BRI3: variants seen among roughly 807,000 people sequenced by gnomAD.
BRI3 encodes the protein membrane protein BRI3.
In BRI3, 6 loss-of-function variants were observed where a neutral mutation model predicts 12.8. That is an observed-to-expected ratio of 0.47 (90% CI 0.26 to 0.93). The LOEUF (loss-of-function observed/expected upper bound fraction) is 0.93. Among genes scored for constraint, BRI3 ranks in the 40% least tolerant of loss-of-function variants. The pLI, the probability that BRI3 is intolerant of heterozygous loss-of-function variation, is 0.15. For synonymous variants in BRI3, 91 were observed against 76.1 expected, an observed-to-expected ratio of 1.20 and a Z score of -1.02; for missense variants, 134 against 171.1, an observed-to-expected ratio of 0.78 and a Z score of 1.21.
At chr7:98,284,455 G>T (rs570996477) in intron 2 of BRI3, among the ~76,000 whole-genome samples, 1 of 152,328 alleles carries the variant, frequency 6.6e-6, no homozygotes, top group South Asian at 2.1e-4. Context: ...TGGGTGGGGT[G>T]TGTGGTCCCT....
downstream of BRI3, among the ~76,000 whole-genome samples, chr7:98,296,527 A>G (rs1041875939): frequency 6.6e-6 from 1 of 152,198 alleles, no homozygotes; most frequent in Admixed American, 6.5e-5. Context: ...CAGGAGGCTG[A>G]GGCAGGAGAA....
the BRI3 span, among the ~76,000 whole-genome samples, chr7:98,315,924 C>T: frequency 0.4 from 61,242 of 151,952 alleles, 13,313 homozygotes; most frequent in Middle Eastern, 0.54. Context: ...GGCTTTGGAA[C>T]CAGAAAGTTC....
At chr7:98,289,156 C>T (rs939648006) in intron 2 of BRI3, among the ~76,000 whole-genome samples, 35 of 152,158 alleles carry the variant, frequency 2.3e-4, no homozygotes, top group African/African-American at 7.7e-4. Flanking sequence ...CGCGGTTTCA[C>T]CATGTTGACC....
the BRI3 span, among the ~76,000 whole-genome samples, chr7:98,318,858 C>T: frequency 2.0e-5 from 3 of 150,264 alleles, no homozygotes; most frequent in Non-Finnish European, 4.4e-5. Flanking sequence ...GTAGGAGAAT[C>T]GCTGGAACCC....
chr7:98,293,901 G>A (rs11973247), downstream of BRI3, among the ~76,000 whole-genome samples: 1,382 of 152,316 alleles, frequency 9.1e-3, 22 homozygotes, highest in African/African-American at 0.031. Flanking sequence ...TGCTCCCAGC[G>A]TGGTCTAAAG....
intron 2 of BRI3, among the ~76,000 whole-genome samples, chr7:98,287,397 G>A (rs1000608849): frequency 6.6e-6 from 1 of 152,242 alleles, no homozygotes; most frequent in East Asian, 1.9e-4. Flanking sequence ...GATGGGATGG[G>A]TCTGGACAGA....
At chr7:98,297,817 C>T (rs1044879503), downstream of BRI3, among the ~76,000 whole-genome samples, 12 of 152,206 alleles carry the variant, frequency 7.9e-5, no homozygotes, top group Non-Finnish European at 1.0e-4. Flanking sequence ...GCTCACGCCA[C>T]GTGAGGGCGC....
In BRI3 at chr7:98,281,897, C is replaced by T. The variant is rs1799528737; in HGVS notation, c.102C>T (p.Pro34=). The T allele has an allele frequency of 1.5e-6, 2 of 1,302,532 alleles. No homozygotes were observed. The highest frequency in any genetic ancestry group is 1.5e-5 in the African/African-American group (1 of 64,772). The allele number at this position is 1,302,532 out of a possible 1,614,324, so 80.7% of individuals were successfully genotyped here. ...GCCCGCACGGCTACGGCGCCATCCC[C>T]GCCGCGCCCCCGCCGCCGCCCTACC... The part of the protein sequence containing the change: ...ACGPHGYGAI[P]AAPPPPPYPY... Residue 34 remains proline, a synonymous_variant, in exon 1 of 3, where the codon CCC becomes CCT. Coordinates refer to ENST00000297290, the MANE Select transcript of BRI3 (RefSeq NM_015379.5).
At chr7:98,306,540 A>AC (rs1800664259) in exon 1 of BRI3, 12 of 1,613,984 alleles carry the variant, frequency 7.4e-6, no homozygotes, top group Non-Finnish European at 9.3e-6. Flanking sequence ...GGGAGAAAAG[A>AC]CCCTATCAGC....
At chr7:98,283,296 A>G (rs886721303) in intron 2 of BRI3, among the ~76,000 whole-genome samples, 1 of 152,140 alleles carries the variant, frequency 6.6e-6, no homozygotes, top group Non-Finnish European at 1.5e-5. Flanking sequence ...ACTTGATTTC[A>G]AAAGTGTGTG....
At chr7:98,290,605 T>C (rs1799895713) in intron 2 of BRI3, among the ~76,000 whole-genome samples, 2 of 152,116 alleles carry the variant, frequency 1.3e-5, no homozygotes, top group African/African-American at 4.8e-5. Context: ...TTCAAGCGAT[T>C]CTCCTGCCTC....
At chr7:98,310,663 G>GT (rs1278404391), downstream of BRI3, 57,646 of 888,738 alleles carry the variant, frequency 0.065, 23 homozygotes, top group Middle Eastern at 0.1. Context: ...TCCCAAGGCT[G>GT]TTTTTTTTTT....
chr7:98,292,618 G>GA (rs1584404764), downstream of BRI3: 1 of 1,551,526 alleles, frequency 6.4e-7, no homozygotes, highest in East Asian at 2.4e-5. Flanking sequence ...CTGCTAGGCT[G>GA]AAAAACCCGC....
At chr7:98,303,121 C>T (rs377093029), upstream of BRI3, among the ~76,000 whole-genome samples, 8 of 152,328 alleles carry the variant, frequency 5.3e-5, no homozygotes, top group East Asian at 9.6e-4. Flanking sequence ...CAAAAGCTAG[C>T]ATTCCTAAAC....
intron 2 of BRI3, among the ~76,000 whole-genome samples, chr7:98,285,948 C>T (rs1034016153): frequency 8.5e-5 from 13 of 152,214 alleles, no homozygotes; most frequent in African/African-American, 1.9e-4. Flanking sequence ...GGCCTTCCAG[C>T]GGGGTGGTGG....
chr7:98,295,838 CAAAG>C (rs1346343383), downstream of BRI3, among the ~76,000 whole-genome samples: 3 of 152,208 alleles, frequency 2.0e-5, no homozygotes, highest in Non-Finnish European at 4.4e-5. Flanking sequence ...TAAATCCTCA[CAAAG>C]AACGCAGCAA....
At chr7:98,320,316 T>C in the BRI3 span, 96 of 1,562,350 alleles carry the variant, frequency 6.1e-5, no homozygotes, top group South Asian at 5.8e-4. Flanking sequence ...CAAAACCAGA[T>C]ATGTTAGCGG....
rs111524474 is a variant in BRI3 at position 98,290,698 on chromosome 7, C to T, written c.246-413C>T. 6.6e-5 allele frequency among the ~76,000 whole-genome samples: 10 copies of T among 151,816 alleles called. 1 individual carries two copies. Among genetic ancestry groups the T allele is most frequent in the African/African-American group, 1.9e-4 (8 of 41,406 alleles). The stretch of plus-strand genomic sequence containing the variant: ...ATTGTTAGTAGAGACAGGGTTTCAC[C>T]GTGTTGGCCAGGCTGGTCTTGAACT... On this transcript the variant is annotated intron_variant, in intron 2 of 2. Transcript: ENST00000297290.
chr7:98,322,516 A>G, the BRI3 span, among the ~76,000 whole-genome samples: 2 of 152,172 alleles, frequency 1.3e-5, no homozygotes, highest in Admixed American at 1.3e-4. Flanking sequence ...CATCGGAGCC[A>G]CCTGTAGGGT....
Sources: gnomAD v4.1 joint callset for allele counts (sites outside exome capture counted in the v4.1 genomes callset) on GRCh38, gnomAD v4.1.1 for gene constraint, MANE v1.5 for transcripts, NCBI Gene and HGNC (gene_info 2026-07-23, HGNC 2026-07-21) for gene names.